Variants in CSMD1 observed in about 807,000 individuals in gnomAD.
CSMD1 encodes the protein CUB and Sushi multiple domains 1.
CSMD1 carries 213 observed loss-of-function variants against 417.5 expected under a neutral mutation model. The observed-to-expected ratio is 0.51, with a 90% CI of 0.46 to 0.57. CSMD1 has a LOEUF of 0.57. Among genes scored for constraint, CSMD1 ranks in the 20% least tolerant of loss-of-function variants. CSMD1 has a pLI of 0.00. For synonymous variants in CSMD1, 2,862 were observed against 1,736.8 expected, an observed-to-expected ratio of 1.65 and a Z score of -16.11; for missense variants, 6,923 against 4,529.7, an observed-to-expected ratio of 1.53 and a Z score of -15.17.
At chr8:3,870,034 C>T (rs574638318) in intron 5 of CSMD1, among the ~76,000 whole-genome samples, 6 of 152,126 alleles carry the variant, frequency 3.9e-5, no homozygotes, top group South Asian at 2.1e-4. Context: ...AAAAAGTAGG[C>T]GTCTCTTCAT....
chr8:4,768,588 G>A (rs1432750615), intron 1 of CSMD1, among the ~76,000 whole-genome samples: 2 of 152,156 alleles, frequency 1.3e-5, no homozygotes, highest in Non-Finnish European at 2.9e-5. Context: ...GCTCAGAGCT[G>A]TTTCTGATTT....
chr8:3,748,859 A>C (rs939074767), intron 6 of CSMD1, among the ~76,000 whole-genome samples: 4 of 152,224 alleles, frequency 2.6e-5, no homozygotes, highest in Non-Finnish European at 5.9e-5. Flanking sequence ...ATTTGTGTCA[A>C]CACAAGCTTT....
At chr8:4,132,115 T>C (rs1400939044) in intron 3 of CSMD1, among the ~76,000 whole-genome samples, 1 of 151,838 alleles carries the variant, frequency 6.6e-6, no homozygotes, top group African/African-American at 2.4e-5. Flanking sequence ...ATCCCCAAAG[T>C]CTGTCTTGAC....
chr8:3,570,096 T>C (rs1799882774), intron 10 of CSMD1, among the ~76,000 whole-genome samples: 1 of 152,244 alleles, frequency 6.6e-6, no homozygotes, highest in Admixed American at 6.5e-5. Flanking sequence ...CCTAAATTCA[T>C]TACTGGTCAT....
chr8:3,023,925 G>A (rs890750888), intron 51 of CSMD1, among the ~76,000 whole-genome samples: 4 of 151,296 alleles, frequency 2.6e-5, no homozygotes, highest in Non-Finnish European at 5.9e-5. Flanking sequence ...TACCCTTGAA[G>A]ATTCCGTTGG....
At chr8:3,290,838 C>T (rs1156825985) in intron 25 of CSMD1, among the ~76,000 whole-genome samples, 2 of 150,512 alleles carry the variant, frequency 1.3e-5, no homozygotes, top group Non-Finnish European at 2.9e-5. Context: ...GCCTAATTGC[C>T]CTGGCCGGAA....
At chr8:3,644,980 A>T (rs960862911) in intron 7 of CSMD1, among the ~76,000 whole-genome samples, 1 of 151,208 alleles carries the variant, frequency 6.6e-6, no homozygotes, top group South Asian at 2.1e-4. Context: ...AAAAAAAAAA[A>T]AAAAAAAAAA....
chr8:3,277,636 G>C (rs1802402420), intron 26 of CSMD1, among the ~76,000 whole-genome samples: 1 of 152,148 alleles, frequency 6.6e-6, no homozygotes, highest in Non-Finnish European at 1.5e-5. Flanking sequence ...AGGGGCCCAG[G>C]ATTGGGAAAA....
intron 3 of CSMD1, among the ~76,000 whole-genome samples, chr8:4,045,512 G>A (rs755606874): frequency 3.9e-5 from 6 of 152,150 alleles, no homozygotes; most frequent in African/African-American, 9.7e-5. Flanking sequence ...CCAGATCCAG[G>A]GACATCATGG....
intron 3 of CSMD1, among the ~76,000 whole-genome samples, chr8:4,153,046 G>C (rs569943256): frequency 6.6e-6 from 1 of 152,092 alleles, no homozygotes; most frequent in Admixed American, 6.5e-5. Context: ...GACTTGTAAC[G>C]TGTTATTAAC....
intron 10 of CSMD1, among the ~76,000 whole-genome samples, chr8:3,498,895 G>A (rs1046750490): frequency 2.0e-5 from 3 of 151,996 alleles, no homozygotes; most frequent in Admixed American, 1.3e-4. Flanking sequence ...ATCATGAATT[G>A]TTTTCCTACT....
chr8:2,977,720 A>C (rs1805054732), intron 55 of CSMD1, among the ~76,000 whole-genome samples: 1 of 152,212 alleles, frequency 6.6e-6, no homozygotes, highest in Admixed American at 6.5e-5. Context: ...AAGGAACTTA[A>C]ACAAATTTAC....
At chr8:3,586,730 T>C (rs753700017) in intron 8 of CSMD1, among the ~76,000 whole-genome samples, 1 of 152,218 alleles carries the variant, frequency 6.6e-6, no homozygotes, top group Non-Finnish European at 1.5e-5. Flanking sequence ...ATGTTAATTA[T>C]ATTTAAAAGA....
chr8:3,182,919 G>A (rs76598048), intron 36 of CSMD1: 34,009 of 110,518 alleles, frequency 0.31, 5,391 homozygotes, highest in Non-Finnish European at 0.4. Flanking sequence ...AGAAGGGGTT[G>A]TTAGTAGAGA....
At chr8:4,567,155 A>G (rs1798652941) in intron 2 of CSMD1, among the ~76,000 whole-genome samples, 1 of 152,226 alleles carries the variant, frequency 6.6e-6, no homozygotes, top group East Asian at 1.9e-4. Flanking sequence ...GTATTCCATG[A>G]ATGTTTACAA....
chr8:3,759,104 T>C (rs1306902945), intron 5 of CSMD1, among the ~76,000 whole-genome samples: 1 of 152,242 alleles, frequency 6.6e-6, no homozygotes, highest in Non-Finnish European at 1.5e-5. Context: ...CTAATCTATT[T>C]ACTGAACATA....
intron 7 of CSMD1, among the ~76,000 whole-genome samples, chr8:3,671,260 A>T (rs190285708): frequency 8.9e-5 from 13 of 146,624 alleles, no homozygotes. Flanking sequence ...ATATATATGT[A>T]TATATATATA....
At chr8:4,833,691 C>A (rs1203944122) in intron 1 of CSMD1, among the ~76,000 whole-genome samples, 2 of 152,134 alleles carry the variant, frequency 1.3e-5, no homozygotes, top group Admixed American at 6.5e-5. Flanking sequence ...AGAGCTGGAT[C>A]AATATCTAGT....
intron 2 of CSMD1, among the ~76,000 whole-genome samples, chr8:4,626,615 G>T (rs546085825): frequency 5.9e-5 from 9 of 152,094 alleles, no homozygotes; most frequent in Non-Finnish European, 1.3e-4. Context: ...AGGACCGCAG[G>T]GGGCAGGGTG....
Sources: allele counts gnomAD v4.1 joint callset (sites outside exome capture counted in the v4.1 genomes callset), GRCh38; gene constraint gnomAD v4.1.1; transcripts MANE v1.5; gene names NCBI Gene and HGNC (gene_info 2026-07-23, HGNC 2026-07-21).